SUCLG2: variants seen among roughly 807,000 people sequenced by gnomAD.
The protein encoded by SUCLG2 is succinate--CoA ligase [GDP-forming] subunit beta, mitochondrial.
In SUCLG2, 42 loss-of-function variants were observed where a neutral mutation model predicts 47.9. The ratio of observed to expected loss-of-function variants is 0.88; its 90% CI spans 0.69 to 1.14. The LOEUF (loss-of-function observed/expected upper bound fraction) is 1.14. Among genes scored for constraint, SUCLG2 ranks in the 50% most tolerant of loss-of-function variants. SUCLG2 has a pLI of 0.00. For missense variants in SUCLG2, 571 were observed against 525.9 expected, an observed-to-expected ratio of 1.09 and a Z score of -0.84; for synonymous variants, 195 against 197.3, an observed-to-expected ratio of 0.99 and a Z score of 0.10.
At chr3:67,613,785 A>G (rs928437582) in intron 1 of SUCLG2, among the ~76,000 whole-genome samples, 1 of 152,204 alleles carries the variant, frequency 6.6e-6, no homozygotes, top group African/African-American at 2.4e-5. Flanking sequence ...TTACTCTGAA[A>G]CAGTAAAACT....
intron 9 of SUCLG2, among the ~76,000 whole-genome samples, chr3:67,453,401 G>A (rs1285986703): frequency 6.6e-6 from 1 of 152,124 alleles, no homozygotes; most frequent in Non-Finnish European, 1.5e-5. Flanking sequence ...TGGATTACAG[G>A]TGGTGCCACC....
intron 2 of SUCLG2, among the ~76,000 whole-genome samples, chr3:67,591,650 A>G (rs550099665): frequency 6.6e-6 from 1 of 151,402 alleles, no homozygotes; most frequent in Admixed American, 6.6e-5. Context: ...TGTTTCTGAG[A>G]CCTCCCCAGC....
intron 9 of SUCLG2, among the ~76,000 whole-genome samples, chr3:67,478,751 A>C (rs952426007): frequency 6.6e-6 from 1 of 152,238 alleles, no homozygotes; most frequent in Non-Finnish European, 1.5e-5. Context: ...CTGCTATTCC[A>C]TTCAAAGTAC....
At chr3:67,550,339 T>A (rs1478485138) in intron 2 of SUCLG2, among the ~76,000 whole-genome samples, 1 of 152,196 alleles carries the variant, frequency 6.6e-6, no homozygotes, top group African/African-American at 2.4e-5. Context: ...TCCTTTTTTT[T>A]GTTTTTTCTT....
At chr3:67,654,384 T>C in intron 1 of SUCLG2, 119 bp downstream of exon 1, 2 of 802,310 alleles carry the variant, frequency 2.5e-6, no homozygotes, top group Non-Finnish European at 3.3e-6. Context: ...CCTCCCGAAG[T>C]GGGGCGCCCG....
At chr3:67,557,562 T>TATAACA (rs1241849512) in intron 2 of SUCLG2, among the ~76,000 whole-genome samples, 7 of 152,198 alleles carry the variant, frequency 4.6e-5, no homozygotes, top group East Asian at 3.9e-4. Context: ...TGTTTTTATT[T>TATAACA]GAACTTACTT....
chr3:67,535,202 G>GT (rs34547836), intron 2 of SUCLG2, among the ~76,000 whole-genome samples: 12,145 of 152,152 alleles, frequency 0.08, 578 homozygotes, highest in East Asian at 0.18. Context: ...AACGAAAGAT[G>GT]TGAGTCAGCC....
rs749671185 is a variant in SUCLG2 at position 67,609,510 on chromosome 3, T to C, written c.171A>G (p.Gln57=). 7 of 1,613,622 alleles carry C rather than the reference T, an allele frequency of 4.3e-6. No homozygotes were observed. In the East Asian group the frequency reaches 6.7e-5, roughly 15 times the overall value. ...TTGCAGTGTCTGCTACAAAGAATCT[T>C]TGAACTCTCACTCCGTTGTCAGACA... ...KLMSDNGVRV[Q]RFFVADTANE... The change falls in exon 2 of 11, where the codon CAA becomes CAG. Residue 57 remains glutamine, a synonymous_variant. Coordinates refer to ENST00000307227, the MANE Select transcript of SUCLG2 (RefSeq NM_003848.4).
chr3:67,391,736 C>A (rs1026800588), intron 10 of SUCLG2, among the ~76,000 whole-genome samples: 2 of 152,130 alleles, frequency 1.3e-5, no homozygotes, highest in African/African-American at 4.8e-5. Flanking sequence ...TTGTTCTGGG[C>A]AGAGTGAATG....
At chr3:67,398,914 C>T (rs548224933) in intron 10 of SUCLG2, among the ~76,000 whole-genome samples, 31 of 150,422 alleles carry the variant, frequency 2.1e-4, no homozygotes, top group Admixed American at 1.1e-3. Flanking sequence ...AGTAAACTAT[C>T]GCAAGGACAA....
At chr3:67,486,341 A>G (rs1705052159) in intron 9 of SUCLG2, among the ~76,000 whole-genome samples, 2 of 152,192 alleles carry the variant, frequency 1.3e-5, no homozygotes, top group Non-Finnish European at 2.9e-5. Flanking sequence ...TCTATCATAT[A>G]ATCTATGAAA....
rs79663606 is a variant in SUCLG2 at position 67,569,219 on chromosome 3, T to C, written c.227-40033A>G. ...AAAATATCCCTGAGGATATTCCAGA[T>C]TAAAAATGCTAAATTCTTAGGACAT... On this transcript the variant is annotated intron_variant, in intron 2 of 10. Transcript: ENST00000307227. Among the ~76,000 whole-genome samples the C allele has an allele frequency of 2.6e-3, 400 of 152,330 alleles. 2 individuals are homozygous for C. Among genetic ancestry groups the C allele is most frequent in the African/African-American group, 9.3e-3 (385 of 41,572 alleles).
chr3:67,412,174 A>G (rs953796033), intron 9 of SUCLG2, among the ~76,000 whole-genome samples: 10 of 152,220 alleles, frequency 6.6e-5, no homozygotes, highest in Non-Finnish European at 1.3e-4. Context: ...TCAGTATACC[A>G]TGACTGGAGA....
At chr3:67,393,465 G>C (rs1467932108) in intron 10 of SUCLG2, among the ~76,000 whole-genome samples, 1 of 152,222 alleles carries the variant, frequency 6.6e-6, no homozygotes, top group East Asian at 1.9e-4. Flanking sequence ...AGCGAGGCTG[G>C]GGGAGGGGTG....
Position 67,567,297 on chromosome 3 carries a change from A to AT in SUCLG2, c.227-38112dup, listed in dbSNP as rs36047981. ...GCAGAACTATACTTCCTATATCAGG[A>AT]TTTTTTTTTTTTTTAAGTGACAGGG... On this transcript the variant is annotated intron_variant, in intron 2 of 10. Coordinates refer to ENST00000307227, the MANE Select transcript of SUCLG2 (RefSeq NM_003848.4). 2.4e-3 allele frequency among the ~76,000 whole-genome samples: 353 copies of AT among 148,356 alleles called. 2 individuals are homozygous for AT. Among genetic ancestry groups the AT allele is most frequent in the East Asian group, 0.012 (58 of 5,042 alleles).
chr3:67,645,459 G>T (rs903812387), intron 1 of SUCLG2, among the ~76,000 whole-genome samples: 4 of 152,012 alleles, frequency 2.6e-5, no homozygotes, highest in African/African-American at 9.7e-5. Context: ...CAGTCCTTCT[G>T]CATCATTTTA....
Position 67,528,183 on chromosome 3 carries a change from C to T in SUCLG2, c.366G>A (p.Gly122=). The change falls in exon 4 of 11, where the codon GGG becomes GGA. Residue 122 remains glycine, a synonymous_variant. Coordinates refer to ENST00000307227, the MANE Select transcript of SUCLG2 (RefSeq NM_003848.4). The stretch of plus-strand genomic sequence containing the variant: ...GAGTTTGTTTTGTCGCTAGATTGTA[C>T]CCAATCATCTGTTTAGCCAGCTGTC... ...VVGQLAKQMI[G]YNLATKQTPK... 1 of 1,613,838 alleles carries T rather than the reference C, an allele frequency of 6.2e-7. No individual in the cohort carries two copies. The highest frequency in any genetic ancestry group is 8.5e-7 in the Non-Finnish European group (1 of 1,179,860).
At chr3:67,640,459 C>T (rs1183365395) in intron 1 of SUCLG2, among the ~76,000 whole-genome samples, 2 of 152,158 alleles carry the variant, frequency 1.3e-5, no homozygotes, top group Non-Finnish European at 2.9e-5. Flanking sequence ...ATACCATCTG[C>T]CTGCATCTAG....
rs190603709 is a variant in SUCLG2 at position 67,576,578 on chromosome 3, T to C, written c.226+32877A>G. On this transcript the variant is annotated intron_variant, in intron 2 of 10. Coordinates refer to ENST00000307227, the MANE Select transcript of SUCLG2 (RefSeq NM_003848.4). The stretch of plus-strand genomic sequence containing the variant: ...GCAATCTTGAAGAGCTGCAACAGTT[T>C]AGGGAAATGTCAAGAACACCCTCCG... 3.3e-5 allele frequency among the ~76,000 whole-genome samples: 5 copies of C among 152,324 alleles called. No homozygotes were observed. In the East Asian group the frequency reaches 7.7e-4, roughly 24 times the overall value.
Sources: gnomAD v4.1 joint callset for allele counts (sites outside exome capture counted in the v4.1 genomes callset) on GRCh38, gnomAD v4.1.1 for gene constraint, MANE v1.5 for transcripts, NCBI Gene and HGNC (gene_info 2026-07-23, HGNC 2026-07-21) for gene names.